Variants in CRY1 observed in about 807,000 individuals in gnomAD.
CRY1 encodes the protein cryptochrome circadian regulator 1.
Under a neutral mutation model 76.0 loss-of-function variants are expected in CRY1, and 45 were observed. The observed-to-expected ratio is 0.59, with a 90% confidence interval of 0.47 to 0.76. The LOEUF is 0.76. Ranked by LOEUF, CRY1 falls within the 30% of genes least tolerant of loss-of-function variation. The pLI is 0.00. For synonymous variants in CRY1, 248 were observed against 244.0 expected, an observed-to-expected ratio of 1.02 and a Z score of -0.15; for missense variants, 587 against 716.4, an observed-to-expected ratio of 0.82 and a Z score of 2.06.
chr12:107,018,841 CTAAG>C (rs1952524054), intron 2 of CRY1, among the ~76,000 whole-genome samples: 1 of 151,998 alleles, frequency 6.6e-6, no homozygotes, highest in Admixed American at 6.6e-5. Context: ...ATGTGTTTAC[CTAAG>C]TGTGTATAAA....
intron 10 of CRY1, 75 bp from the exon 11 acceptor site, chr12:106,993,111 C>A: frequency 7.2e-7 from 1 of 1,392,834 alleles, no homozygotes; most frequent in Non-Finnish European, 1.0e-6. Flanking sequence ...TCTACAAATC[C>A]AACTTTTAGC....
At chr12:107,054,268 C>A (rs943755980) in intron 1 of CRY1, among the ~76,000 whole-genome samples, 2 of 151,828 alleles carry the variant, frequency 1.3e-5, no homozygotes, top group Admixed American at 6.6e-5. Context: ...AATAAATAGA[C>A]AAAATTATTG....
At chr12:107,056,745 G>A (rs1952987593) in intron 1 of CRY1, among the ~76,000 whole-genome samples, 2 of 152,094 alleles carry the variant, frequency 1.3e-5, no homozygotes, top group Admixed American at 6.6e-5. Flanking sequence ...TTCAAAAAAT[G>A]AGAAAAATCT....
intron 1 of CRY1, among the ~76,000 whole-genome samples, chr12:107,055,200 C>T (rs920577010): frequency 6.6e-6 from 1 of 151,872 alleles, no homozygotes; most frequent in Non-Finnish European, 1.5e-5. Context: ...AGTCTCTGAC[C>T]TTGACGTATT....
intron 1 of CRY1, among the ~76,000 whole-genome samples, chr12:107,067,239 T>C (rs1953124059): frequency 6.6e-6 from 1 of 152,174 alleles, no homozygotes; most frequent in African/African-American, 2.4e-5. Flanking sequence ...AAAGAGACCC[T>C]ATGTGTGGCT....
chr12:107,027,062 T>C (rs1194717902), intron 1 of CRY1, among the ~76,000 whole-genome samples: 1 of 152,192 alleles, frequency 6.6e-6, no homozygotes. Flanking sequence ...CAGCCCAGGT[T>C]CAAAGTATCA....
chr12:107,020,160 A>G (rs1369406409), intron 2 of CRY1, among the ~76,000 whole-genome samples: 3 of 150,060 alleles, frequency 2.0e-5, no homozygotes, highest in Non-Finnish European at 2.9e-5. Flanking sequence ...AATTTTCACA[A>G]ACATTAAATG....
chr12:107,015,184 CTT>C (rs1952486356), intron 2 of CRY1, among the ~76,000 whole-genome samples: 1 of 152,006 alleles, frequency 6.6e-6, no homozygotes, highest in Non-Finnish European at 1.5e-5. Context: ...CCTTTAAAGA[CTT>C]TATTTTCTCA....
intron 1 of CRY1, among the ~76,000 whole-genome samples, chr12:107,025,004 T>A (rs2136848637): frequency 6.6e-6 from 1 of 152,340 alleles, no homozygotes; most frequent in Middle Eastern, 3.4e-3. Flanking sequence ...ATGATGCTAT[T>A]CTTTGTTATA....
At chr12:107,086,386 G>A (rs1297742800) in intron 1 of CRY1, among the ~76,000 whole-genome samples, 3 of 151,600 alleles carry the variant, frequency 2.0e-5, no homozygotes, top group Admixed American at 1.3e-4. Flanking sequence ...GGTTGTTAAA[G>A]CAATTAACAT....
At chr12:107,050,315 T>C (rs1018362383) in intron 1 of CRY1, 1 of 152,088 alleles carries the variant, frequency 6.6e-6, no homozygotes, top group Non-Finnish European at 1.5e-5. Context: ...GATTTGGACA[T>C]TGTGTCCCCT....
intron 1 of CRY1, among the ~76,000 whole-genome samples, chr12:107,059,125 A>G (rs1953019240): frequency 6.6e-6 from 1 of 152,242 alleles, no homozygotes. Flanking sequence ...ACTAAAACAA[A>G]AGTTTCATAA....
At chr12:107,054,357 A>AT (rs1382421284) in intron 1 of CRY1, among the ~76,000 whole-genome samples, 1 of 151,754 alleles carries the variant, frequency 6.6e-6, no homozygotes, top group African/African-American at 2.4e-5. Context: ...ATAATGTGTA[A>AT]TTATTTTATT....
At chr12:107,038,818 G>A (rs1952765667) in intron 1 of CRY1, among the ~76,000 whole-genome samples, 1 of 152,186 alleles carries the variant, frequency 6.6e-6, no homozygotes, top group African/African-American at 2.4e-5. Context: ...GAAACTAGCA[G>A]GAGACACCCT....
chr12:107,013,465 A>C (rs369030384), intron 2 of CRY1, among the ~76,000 whole-genome samples: 3 of 152,362 alleles, frequency 2.0e-5, no homozygotes, highest in East Asian at 3.9e-4. Flanking sequence ...CAACTTTTAT[A>C]CATATGCATT....
At chr12:107,028,598 G>C (rs1191523728) in intron 1 of CRY1, among the ~76,000 whole-genome samples, 1 of 152,006 alleles carries the variant, frequency 6.6e-6, no homozygotes, top group Non-Finnish European at 1.5e-5. Context: ...AAACATATAG[G>C]AGAAATTAAA....
chr12:106,994,145 G>C (rs1290240422), intron 10 of CRY1, among the ~76,000 whole-genome samples: 1 of 152,102 alleles, frequency 6.6e-6, no homozygotes, highest in Non-Finnish European at 1.5e-5. Flanking sequence ...CTACAGACAG[G>C]ATAAGTGTAA....
intron 1 of CRY1, among the ~76,000 whole-genome samples, chr12:107,076,431 T>C (rs1953252739): frequency 6.6e-6 from 1 of 151,592 alleles, no homozygotes; most frequent in Non-Finnish European, 1.5e-5. Context: ...GCCAACATGG[T>C]GAAACTCCAT....
Position 106,997,369 on chromosome 12 carries a change from G to A in CRY1, c.1510C>T (p.Pro504Ser), listed in dbSNP as rs764329499. 2.4e-5 allele frequency: 38 copies of A among 1,613,696 alleles called. 1 individual carries two copies. Among genetic ancestry groups the A allele is most frequent in the Non-Finnish European group, 1.8e-5 (21 of 1,179,894 alleles). ...CCTCCATTCCCATTAGGATTAGAAG[G>A]TACTGATGCCAGAAGACCTAAAGGA... ...YRGLGLLASV[P>S]SNPNGNGGFM... Residue 504 changes from proline to serine, a missense_variant, in exon 10 of 13, where the codon CCT becomes TCT. Transcript: ENST00000008527.
Sources: allele counts gnomAD v4.1 joint callset (sites outside exome capture counted in the v4.1 genomes callset), GRCh38; gene constraint gnomAD v4.1.1; transcripts MANE v1.5; gene names NCBI Gene and HGNC (gene_info 2026-07-23, HGNC 2026-07-21).